Variants in PLA2R1 observed in about 807,000 individuals in gnomAD.
PLA2R1 encodes phospholipase A2 receptor 1.
In PLA2R1, 158 loss-of-function variants were observed where a neutral mutation model predicts 195.9. The observed-to-expected ratio is 0.81, with a 90% CI of 0.71 to 0.92. The LOEUF is 0.92. Ranked by LOEUF, PLA2R1 falls within the 40% of genes least tolerant of loss-of-function variation. The probability of loss-of-function intolerance (pLI) is 0.00; values close to 1 mark genes in which losing one functional copy is unlikely to be tolerated. For missense variants in PLA2R1, 1,626 were observed against 1,764.6 expected, an observed-to-expected ratio of 0.92 and a Z score of 1.41; for synonymous variants, 586 against 598.2, an observed-to-expected ratio of 0.98 and a Z score of 0.30.
intron 13 of PLA2R1, among the ~76,000 whole-genome samples, chr2:159,983,313 C>T (rs928925708): frequency 2.0e-5 from 3 of 152,088 alleles, no homozygotes; most frequent in Non-Finnish European, 2.9e-5. Context: ...AGAGTTCTTA[C>T]AATTTAAGCT....
rs536012517 is a variant in PLA2R1, at chr2:159,999,667, G to A, written c.1834+5985C>T. On this transcript the variant is annotated intron_variant, in intron 11 of 29. Transcript: ENST00000283243. The stretch of plus-strand genomic sequence containing the variant: ...GCGTGAGCCACCACGCCCGGCCTAC[G>A]TAATTTTTAAATGTCCCTTGTCATA... Among the ~76,000 whole-genome samples, 5 of 151,842 alleles carry A rather than the reference G, an allele frequency of 3.3e-5. 2 individuals carry two copies. The East Asian group carries it at 9.7e-4, about 29-fold the overall frequency.
At chr2:160,007,282 A>G (rs569394072) in intron 10 of PLA2R1, among the ~76,000 whole-genome samples, 2 of 152,352 alleles carry the variant, frequency 1.3e-5, no homozygotes, top group South Asian at 4.1e-4. Flanking sequence ...GAGTAGTAAT[A>G]CCGGGTCAGG....
intron 1 of PLA2R1, among the ~76,000 whole-genome samples, chr2:160,060,264 C>A (rs774950917): frequency 2.0e-5 from 3 of 152,166 alleles, no homozygotes; most frequent in East Asian, 1.9e-4. Context: ...GTGAACACAG[C>A]GGTAAACTGA....
chr2:160,007,350 C>G (rs1371276022), intron 10 of PLA2R1, among the ~76,000 whole-genome samples: 1 of 152,164 alleles, frequency 6.6e-6, no homozygotes, highest in Admixed American at 6.5e-5. Context: ...CCAGCCTCTG[C>G]CCCCAGACCT....
intron 1 of PLA2R1, among the ~76,000 whole-genome samples, chr2:160,058,085 C>T (rs998816940): frequency 6.6e-6 from 1 of 152,022 alleles, no homozygotes; most frequent in African/African-American, 2.4e-5. Flanking sequence ...TCCTCACTCC[C>T]TTACCATGCT....
intron 27 of PLA2R1, 93 bp from the exon 28 acceptor site, chr2:159,945,175 TTTTTA>T (rs1687304584): frequency 3.5e-6 from 2 of 573,402 alleles, no homozygotes; most frequent in Middle Eastern, 9.1e-4. Flanking sequence ...CCCCTGAATT[TTTTTA>T]TTTTTTTATT....
intron 20 of PLA2R1, among the ~76,000 whole-genome samples, chr2:159,967,026 T>A (rs1327507627): frequency 3.3e-5 from 5 of 152,062 alleles, no homozygotes; most frequent in Non-Finnish European, 7.4e-5. Flanking sequence ...AAGTTATTAG[T>A]CCCTCAATTC....
At chr2:160,028,171 G>A (rs751301090) in intron 6 of PLA2R1, 47 bp downstream of exon 6, 3 of 1,292,804 alleles carry the variant, frequency 2.3e-6, no homozygotes, top group Non-Finnish European at 3.2e-6. Flanking sequence ...TATATTGAGA[G>A]GACAAGTCAA....
chr2:159,949,798 T>C, intron 24 of PLA2R1, 22 bp from the exon 25 acceptor site: 2 of 1,604,632 alleles, frequency 1.2e-6, no homozygotes, highest in Non-Finnish European at 8.5e-7. Context: ...AACTGAGCCA[T>C]CATTTCCTTG....
At chr2:159,925,255 C>A in the PLA2R1 span, among the ~76,000 whole-genome samples, 1 of 151,958 alleles carries the variant, frequency 6.6e-6, no homozygotes. Flanking sequence ...CAATGGTAAG[C>A]ATCTTACAGG....
intron 9 of PLA2R1, among the ~76,000 whole-genome samples, chr2:160,015,724 T>C (rs2105444269): frequency 6.6e-6 from 1 of 152,336 alleles, no homozygotes; most frequent in East Asian, 1.9e-4. Context: ...ACATGTCAGC[T>C]ACGGCATATC....
intron 20 of PLA2R1, among the ~76,000 whole-genome samples, chr2:159,966,215 A>G (rs1688778754): frequency 6.6e-6 from 1 of 152,246 alleles, no homozygotes; most frequent in Non-Finnish European, 1.5e-5. Context: ...TCCAACCGTC[A>G]AAAGGAAGTC....
At chr2:160,005,304 G>T (rs371083200) in intron 11 of PLA2R1, among the ~76,000 whole-genome samples, 1 of 151,952 alleles carries the variant, frequency 6.6e-6, no homozygotes, top group African/African-American at 2.4e-5. Flanking sequence ...GTGTGGTGGC[G>T]CATGCCTGTG....
intron 11 of PLA2R1, among the ~76,000 whole-genome samples, chr2:159,994,648 T>C (rs1311899435): frequency 1.3e-5 from 2 of 152,040 alleles, no homozygotes; most frequent in Non-Finnish European, 1.5e-5. Flanking sequence ...TGAAAAAATA[T>C]GGGAAAGGGG....
intron 29 of PLA2R1, 31 bp downstream of exon 29, chr2:159,942,096 A>C: frequency 6.2e-7 from 1 of 1,603,836 alleles, no homozygotes; most frequent in South Asian, 1.1e-5. Context: ...TCTAAGAAAA[A>C]TCAAAATGTT....
intron 8 of PLA2R1, among the ~76,000 whole-genome samples, chr2:160,017,495 C>G (rs1393141974): frequency 6.6e-6 from 1 of 152,134 alleles, no homozygotes; most frequent in African/African-American, 2.4e-5. Flanking sequence ...TTCCTGGAAG[C>G]TACCATGAAA....
At chr2:160,021,325 C>T (rs557371690) in intron 7 of PLA2R1, among the ~76,000 whole-genome samples, 43 of 152,240 alleles carry the variant, frequency 2.8e-4, no homozygotes, top group African/African-American at 9.2e-4. Flanking sequence ...CACCTGTACT[C>T]ATATGTTTAT....
chr2:160,005,739 G>C lies in PLA2R1; in HGVS notation c.1747C>G (p.Gln583Glu). ...CAAGTGTATTCTCCCGTATCATTTT[G>C]GTCCTGAAGAGCTATCCAAAAATAA... ...DSYFWIALQD[Q>E]NDTGEYTWKP... The change falls in exon 11 of 30, where the codon CAA becomes GAA. Residue 583 changes from glutamine to glutamate, a missense_variant. Transcript: ENST00000283243. 4 of 1,612,954 alleles carry C rather than the reference G, an allele frequency of 2.5e-6. No homozygotes were observed. The highest frequency in any genetic ancestry group is 3.4e-6 in the Non-Finnish European group (4 of 1,179,046).
chr2:159,927,491 T>C (rs1049452490), downstream of PLA2R1, among the ~76,000 whole-genome samples: 1 of 152,150 alleles, frequency 6.6e-6, no homozygotes, highest in Admixed American at 6.5e-5. Flanking sequence ...TAAAATCAAA[T>C]GGGGAACTTT....
Sources: gnomAD v4.1 joint callset for allele counts (sites outside exome capture counted in the v4.1 genomes callset) on GRCh38, gnomAD v4.1.1 for gene constraint, MANE v1.5 for transcripts, NCBI Gene and HGNC (gene_info 2026-07-23, HGNC 2026-07-21) for gene names.